Variants in ULK4 observed in about 807,000 individuals in gnomAD.
ULK4 encodes the protein unc-51 like kinase 4, also known as inactive serine/threonine-protein kinase ULK4.
In ULK4, 133 loss-of-function variants were observed where a neutral mutation model predicts 160.6. That is an observed-to-expected ratio of 0.83 (90% CI 0.72 to 0.96). The LOEUF (loss-of-function observed/expected upper bound fraction) is 0.96, where lower values mean the gene tolerates loss of function less well. ULK4 is among the 40% of genes least tolerant of loss of function. ULK4 has a pLI of 0.00. For synonymous variants in ULK4, 534 were observed against 539.8 expected, an observed-to-expected ratio of 0.99 and a Z score of 0.15; for missense variants, 1,580 against 1,499.5, an observed-to-expected ratio of 1.05 and a Z score of -0.89.
chr3:41,897,418 AT>A (rs766803657), intron 14 of ULK4, among the ~76,000 whole-genome samples: 29 of 152,232 alleles, frequency 1.9e-4, no homozygotes, highest in Non-Finnish European at 3.4e-4. Flanking sequence ...TGTAAAAAAA[AT>A]AACGAGAATA....
intron 29 of ULK4, among the ~76,000 whole-genome samples, chr3:41,677,332 ATTTT>A (rs199498760): frequency 7.8e-6 from 1 of 128,508 alleles, no homozygotes. Flanking sequence ...AAGTTCATTC[ATTTT>A]TTTTTTTTTT....
At chr3:41,451,152 A>G (rs2125867044) in intron 34 of ULK4, among the ~76,000 whole-genome samples, 1 of 152,238 alleles carries the variant, frequency 6.6e-6, no homozygotes, top group Admixed American at 6.5e-5. Flanking sequence ...TAAGCAGTGG[A>G]TAGTATTCAA....
intron 21 of ULK4, among the ~76,000 whole-genome samples, chr3:41,775,375 A>G (rs909730364): frequency 2.0e-5 from 3 of 149,716 alleles, no homozygotes; most frequent in African/African-American, 7.6e-5. Context: ...ATATAAGAAA[A>G]TAATATATAT....
intron 32 of ULK4, among the ~76,000 whole-genome samples, chr3:41,564,475 T>G (rs1439853440): frequency 2.3e-5 from 2 of 88,618 alleles, no homozygotes; most frequent in African/African-American, 7.5e-5. Context: ...TTTTTTTTTT[T>G]GAGACAGTGT....
chr3:41,529,339 C>T (rs1350431347), intron 32 of ULK4, among the ~76,000 whole-genome samples: 1 of 152,166 alleles, frequency 6.6e-6, no homozygotes, highest in Non-Finnish European at 1.5e-5. Context: ...GTCAAACCTT[C>T]ATGTAGACAT....
chr3:41,252,024 C>T (rs2078751846), intron 35 of ULK4, among the ~76,000 whole-genome samples: 1 of 152,200 alleles, frequency 6.6e-6, no homozygotes, highest in African/African-American at 2.4e-5. Flanking sequence ...GCTCACATCC[C>T]AGACTGACCC....
intron 34 of ULK4, among the ~76,000 whole-genome samples, chr3:41,426,242 T>C (rs2082772753): frequency 6.6e-6 from 1 of 152,166 alleles, no homozygotes; most frequent in Non-Finnish European, 1.5e-5. Context: ...CCTAAATATA[T>C]ATGCACCCGA....
chr3:41,937,725 TTA>T (rs1277825147), intron 3 of ULK4: 1 of 193,962 alleles, frequency 5.2e-6, no homozygotes, highest in African/African-American at 2.3e-5. Context: ...GCTGAAAATT[TTA>T]TGAGGTACAG....
chr3:41,711,478 T>C (rs561477342), intron 25 of ULK4, among the ~76,000 whole-genome samples: 1 of 152,264 alleles, frequency 6.6e-6, no homozygotes, highest in East Asian at 1.9e-4. Context: ...AAGACAAGAA[T>C]ATCTAGGTGG....
chr3:41,642,099 C>T (rs993189438), intron 30 of ULK4, among the ~76,000 whole-genome samples: 20 of 149,580 alleles, frequency 1.3e-4, no homozygotes, highest in African/African-American at 1.0e-4. Context: ...GTCTCGAACC[C>T]CTGACCTCAG....
chr3:41,482,559 T>C (rs1037830875), intron 32 of ULK4, among the ~76,000 whole-genome samples: 17 of 152,156 alleles, frequency 1.1e-4, no homozygotes, highest in Non-Finnish European at 2.1e-4. Flanking sequence ...TTGGCTATGG[T>C]GAGTTAAGTT....
At chr3:41,383,430 T>C (rs1350129854) in intron 35 of ULK4, among the ~76,000 whole-genome samples, 1 of 152,172 alleles carries the variant, frequency 6.6e-6, no homozygotes, top group Non-Finnish European at 1.5e-5. Context: ...TTCATTCTAA[T>C]ACTCAACATG....
intron 29 of ULK4, among the ~76,000 whole-genome samples, chr3:41,664,095 C>T (rs1395817772): frequency 2.0e-5 from 3 of 152,212 alleles, no homozygotes; most frequent in African/African-American, 7.2e-5. Flanking sequence ...AACAACTTCA[C>T]TTTCCAACGC....
At chr3:41,607,935 AAAT>A (rs1269286752) in intron 31 of ULK4, among the ~76,000 whole-genome samples, 3 of 152,194 alleles carry the variant, frequency 2.0e-5, no homozygotes, top group Non-Finnish European at 4.4e-5. Flanking sequence ...CATGCATGAA[AAAT>A]AATGAGGAGA....
chr3:41,270,234 A>G (rs2079116453), intron 35 of ULK4, among the ~76,000 whole-genome samples: 1 of 152,214 alleles, frequency 6.6e-6, no homozygotes, highest in Admixed American at 6.5e-5. Flanking sequence ...GGGGGAGGAT[A>G]CAAACCCCTA....
chr3:41,552,009 A>G (rs1044621986), intron 32 of ULK4, among the ~76,000 whole-genome samples: 2 of 152,006 alleles, frequency 1.3e-5, no homozygotes, highest in African/African-American at 4.8e-5. Context: ...GAAGGATAAA[A>G]AACGTGATCA....
chr3:41,471,509 G>A (rs1008785495), intron 32 of ULK4, among the ~76,000 whole-genome samples: 3 of 152,134 alleles, frequency 2.0e-5, no homozygotes, highest in Non-Finnish European at 4.4e-5. Flanking sequence ...ACAGACATAT[G>A]CAGAACATTC....
chr3:41,905,368 A>ATTAGTTTT (rs1339490100), intron 12 of ULK4, among the ~76,000 whole-genome samples: 1 of 152,242 alleles, frequency 6.6e-6, no homozygotes, highest in African/African-American at 2.4e-5. Flanking sequence ...AGATACTAAT[A>ATTAGTTTT]AAACTATAAA....
chr3:41,743,902 T>G (rs140400032), intron 22 of ULK4, among the ~76,000 whole-genome samples: 1 of 151,774 alleles, frequency 6.6e-6, no homozygotes, highest in African/African-American at 2.4e-5. Context: ...AAGACAATTA[T>G]ATTTTAAAAG....
Sources: allele counts gnomAD v4.1 joint callset (sites outside exome capture counted in the v4.1 genomes callset), GRCh38; gene constraint gnomAD v4.1.1; transcripts MANE v1.5; gene names NCBI Gene and HGNC (gene_info 2026-07-23, HGNC 2026-07-21).